SRGAP3: variants seen among roughly 807,000 people sequenced by gnomAD.
SRGAP3 encodes the protein SLIT-ROBO Rho GTPase-activating protein 3.
SRGAP3 carries 39 observed loss-of-function variants against 121.1 expected under a neutral mutation model. The ratio of observed to expected loss-of-function variants is 0.32; its 90% CI spans 0.25 to 0.42. SRGAP3 has a LOEUF of 0.42. SRGAP3 is among the 10% of genes least tolerant of loss of function. SRGAP3 has a pLI of 1.00. For missense variants in SRGAP3, 1,213 were observed against 1,470.6 expected, an observed-to-expected ratio of 0.82 and a Z score of 2.86; for synonymous variants, 601 against 570.0, an observed-to-expected ratio of 1.05 and a Z score of -0.77.
At chr3:9,063,983 A>G (rs1946299288) in intron 5 of SRGAP3, among the ~76,000 whole-genome samples, 1 of 152,166 alleles carries the variant, frequency 6.6e-6, no homozygotes, top group African/African-American at 2.4e-5. Context: ...ACATTCAGCA[A>G]TCAGTTCCCA....
intron 1 of SRGAP3, among the ~76,000 whole-genome samples, chr3:9,198,557 A>G (rs1335089323): frequency 6.6e-6 from 1 of 152,170 alleles, no homozygotes; most frequent in African/African-American, 2.4e-5. Context: ...TAATTTTTGA[A>G]AAGGGGCTTT....
At chr3:9,354,128 A>AG (rs35281505) in intron 1 of SRGAP3, among the ~76,000 whole-genome samples, 3 of 152,004 alleles carry the variant, frequency 2.0e-5, no homozygotes, top group African/African-American at 7.3e-5. Flanking sequence ...AGAAGAAGGA[A>AG]GGGGGCGACA....
chr3:9,236,794 GATT>G (rs1188185060), intron 1 of SRGAP3, among the ~76,000 whole-genome samples: 1 of 152,192 alleles, frequency 6.6e-6, no homozygotes, highest in Non-Finnish European at 1.5e-5. Flanking sequence ...TGAAAGAAGA[GATT>G]AACACTGTCT....
chr3:9,231,833 C>T (rs1953221149), intron 1 of SRGAP3, among the ~76,000 whole-genome samples: 1 of 152,188 alleles, frequency 6.6e-6, no homozygotes, highest in Admixed American at 6.5e-5. Context: ...TCACAGCAAC[C>T]ACCCTTTAAG....
Position 9,343,645 on chromosome 3 carries a change from A to T in SRGAP3, n.215-13049T>A, listed in dbSNP as rs564566645. 7.7e-4 allele frequency among the ~76,000 whole-genome samples: 117 copies of T among 152,292 alleles called. 1 individual carries two copies. Among genetic ancestry groups the T allele is most frequent in the African/African-American group, 2.7e-3 (112 of 41,562 alleles). ...AGGCATACATCTTTATATTAAAAAG[A>T]TTATATTATGCATACTCTTATATGC... On this transcript the variant is annotated intron_variant and non_coding_transcript_variant, in intron 1 of 3. Coordinates refer to the SRGAP3 transcript ENST00000490889.
intron 1 of SRGAP3, among the ~76,000 whole-genome samples, chr3:9,142,691 G>A (rs898612869): frequency 1.3e-5 from 2 of 152,124 alleles, no homozygotes; most frequent in Non-Finnish European, 2.9e-5. Flanking sequence ...TAGGTCAGTC[G>A]GTCAGTGGAT....
chr3:9,348,723 T>C (rs1045181792), intron 1 of SRGAP3: 5 of 1,260,530 alleles, frequency 4.0e-6, no homozygotes, highest in Admixed American at 1.7e-5. Flanking sequence ...TCTGGGGGTC[T>C]GATCGGTCTC....
chr3:9,242,787 C>G (rs964249589), intron 1 of SRGAP3, among the ~76,000 whole-genome samples: 4 of 152,086 alleles, frequency 2.6e-5, no homozygotes, highest in Non-Finnish European at 5.9e-5. Context: ...TGGGCTCAAG[C>G]AATCCTCCCA....
In SRGAP3 at chr3:9,019,718, G is replaced by A. The variant is rs551770410; in HGVS notation, c.1679-3987C>T. Among the ~76,000 whole-genome samples the A allele has an allele frequency of 7.2e-5, 11 of 152,178 alleles. No homozygotes were observed. The East Asian group carries it at 7.7e-4, about 11-fold the overall frequency. On this transcript the variant is annotated intron_variant, in intron 14 of 21. Transcript: ENST00000383836. ...CATGCTTCAGTATGAATTAGAGAACGGTCCCCCTGCCTTCCTGCACCAAGG... is the reference window on the plus strand; with the variant it reads ...CATGCTTCAGTATGAATTAGAGAACAGTCCCCCTGCCTTCCTGCACCAAGG...
intron 1 of SRGAP3, among the ~76,000 whole-genome samples, chr3:9,178,088 T>G (rs1951244451): frequency 6.6e-6 from 1 of 151,966 alleles, no homozygotes; most frequent in Non-Finnish European, 1.5e-5. Flanking sequence ...GGAAACATGG[T>G]GAAACCCTGT....
chr3:9,081,180 T>A, intron 3 of SRGAP3: 1 of 454,766 alleles, frequency 2.2e-6, no homozygotes, highest in Non-Finnish European at 4.4e-6. Flanking sequence ...ACAGATGCCC[T>A]AACCTTAGTT....
At chr3:9,246,389 G>A (rs1348207529) in intron 1 of SRGAP3, among the ~76,000 whole-genome samples, 3 of 152,214 alleles carry the variant, frequency 2.0e-5, no homozygotes, top group African/African-American at 7.2e-5. Context: ...GCAACGGGAT[G>A]AAAGTAAGAG....
chr3:8,990,459 C>G (rs535140979), intron 21 of SRGAP3, 53 bp downstream of exon 21: 1 of 1,547,198 alleles, frequency 6.5e-7, no homozygotes, highest in Non-Finnish European at 8.7e-7. Context: ...GATTCCCACC[C>G]GCTGCCCTCT....
intron 1 of SRGAP3, among the ~76,000 whole-genome samples, chr3:9,126,590 T>A (rs959629588): frequency 6.6e-6 from 1 of 152,030 alleles, no homozygotes; most frequent in Non-Finnish European, 1.5e-5. Context: ...CACTCCAGCC[T>A]GGGCGACAGA....
chr3:9,322,002 T>C (rs1365219182), intron 3 of SRGAP3, among the ~76,000 whole-genome samples: 1 of 151,010 alleles, frequency 6.6e-6, no homozygotes, highest in Non-Finnish European at 1.5e-5. Context: ...ATAATAAATG[T>C]TTAAAGAAGG....
At chr3:9,236,586 C>G (rs4485703) in intron 1 of SRGAP3, among the ~76,000 whole-genome samples, 3 of 151,960 alleles carry the variant, frequency 2.0e-5, no homozygotes, top group Non-Finnish European at 4.4e-5. Context: ...ACTTCCCCCC[C>G]CCTCTTCTTC....
At chr3:8,994,652 G>A in intron 18 of SRGAP3, 129 bp from the exon 19 acceptor site, 6 of 1,224,654 alleles carry the variant, frequency 4.9e-6, no homozygotes, top group Non-Finnish European at 7.0e-6. Flanking sequence ...TGGACAGAAC[G>A]CCTGGTGGGC....
chr3:9,101,358 A>C, intron 3 of SRGAP3, among the ~76,000 whole-genome samples: 1 of 152,222 alleles, frequency 6.6e-6, no homozygotes, highest in East Asian at 1.9e-4. Context: ...CTGAGTGTGC[A>C]TCTGGCTTCA....
In SRGAP3 at chr3:9,265,806, CAG is replaced by C. The variant is rs576948443; in HGVS notation, n.442+60202_442+60203del. Among the ~76,000 whole-genome samples, 66 of 152,300 alleles carry C rather than the reference CAG, an allele frequency of 4.3e-4. No homozygotes were observed. The East Asian group carries it at 9.7e-3, about 22-fold the overall frequency. ...AAATTAGTTCAACCATTGTGGAAGA[CAG>C]TGTGGCGATTCCTCAAGGATCTAGA... On this transcript the variant is annotated intron_variant and non_coding_transcript_variant, in intron 3 of 3. Coordinates refer to the SRGAP3 transcript ENST00000490889.
Sources: gnomAD v4.1 joint callset for allele counts (sites outside exome capture counted in the v4.1 genomes callset) on GRCh38, gnomAD v4.1.1 for gene constraint, MANE v1.5 for transcripts, NCBI Gene and HGNC (gene_info 2026-07-23, HGNC 2026-07-21) for gene names.